Variants in MAMDC2 observed in about 807,000 individuals in gnomAD.
MAMDC2 encodes MAM domain-containing protein 2.
Under a neutral mutation model 89.8 loss-of-function variants are expected in MAMDC2, and 57 were observed. The ratio of observed to expected loss-of-function variants is 0.63; its 90% confidence interval spans 0.51 to 0.79. MAMDC2 has a LOEUF of 0.79. Among genes scored for constraint, MAMDC2 ranks in the 30% least tolerant of loss-of-function variants. The pLI is 0.00. For missense variants in MAMDC2, 800 were observed against 820.6 expected, an observed-to-expected ratio of 0.97 and a Z score of 0.31; for synonymous variants, 313 against 293.4, an observed-to-expected ratio of 1.07 and a Z score of -0.68.
chr9:70,189,767 A>AT (rs1230069556), intron 11 of MAMDC2, among the ~76,000 whole-genome samples: 2 of 150,964 alleles, frequency 1.3e-5, no homozygotes. Flanking sequence ...GTCTCTGTTC[A>AT]TTTTTTCTTT....
At chr9:70,103,700 G>A (rs3015201) in intron 2 of MAMDC2, among the ~76,000 whole-genome samples, 9,796 of 151,632 alleles carry the variant, frequency 0.065, 998 homozygotes, top group African/African-American at 0.21. Context: ...GTGAAAAGAC[G>A]GCCAGGAGTG....
intron 9 of MAMDC2, among the ~76,000 whole-genome samples, chr9:70,162,492 T>G (rs1272267453): frequency 6.7e-5 from 9 of 134,524 alleles, no homozygotes; most frequent in Admixed American, 6.6e-4. Context: ...GGTACTTTTG[T>G]TTTGTTTTGT....
In MAMDC2 at chr9:70,226,331, A is replaced by G. The variant is rs2033639580; in HGVS notation, c.*299A>G. The G allele has an allele frequency of 5.5e-6, 1 of 180,268 alleles. No individual in the cohort carries two copies. The highest frequency in any genetic ancestry group is 1.2e-5 in the Non-Finnish European group (1 of 86,668). The allele number at this position is 180,268 out of a possible 1,614,324, so 11.2% of individuals were successfully genotyped here. On this transcript the variant is annotated 3_prime_UTR_variant, in exon 14 of 14. Transcript: ENST00000377182. ...ATTGTAGTCATTTTAAAGTACACAA[A>G]GGGCACAATCAAAATGAGATGCACT...
At chr9:70,048,114 A>G (rs1826801484) in intron 2 of MAMDC2, among the ~76,000 whole-genome samples, 1 of 152,108 alleles carries the variant, frequency 6.6e-6, no homozygotes, top group Non-Finnish European at 1.5e-5. Flanking sequence ...CATTTTGCCC[A>G]TGGTTGTCCT....
intron 2 of MAMDC2, among the ~76,000 whole-genome samples, chr9:70,064,175 T>A (rs1260660966): frequency 2.0e-5 from 3 of 151,992 alleles, no homozygotes; most frequent in Non-Finnish European, 4.4e-5. Context: ...TTTTTTAAAA[T>A]TTTTTTTCCA....
chr9:70,082,456 A>T (rs1332950232), intron 2 of MAMDC2: 1 of 152,148 alleles, frequency 6.6e-6, no homozygotes, highest in Non-Finnish European at 1.5e-5. Flanking sequence ...TTGCCCATGG[A>T]AGTAAGTCTG....
chr9:70,155,899 G>A (rs1253286177), intron 9 of MAMDC2, among the ~76,000 whole-genome samples: 1 of 152,078 alleles, frequency 6.6e-6, no homozygotes, highest in Non-Finnish European at 1.5e-5. Context: ...TCTTTTATAA[G>A]TCATTGACTT....
At chr9:70,197,413 G>A (rs948492489) in intron 11 of MAMDC2, among the ~76,000 whole-genome samples, 1 of 152,078 alleles carries the variant, frequency 6.6e-6, no homozygotes, top group Non-Finnish European at 1.5e-5. Flanking sequence ...TGAAATGGAA[G>A]AACATATTGA....
At chr9:70,139,862 T>C (rs1430872498) in intron 7 of MAMDC2, among the ~76,000 whole-genome samples, 9 of 152,178 alleles carry the variant, frequency 5.9e-5, no homozygotes, top group Non-Finnish European at 1.0e-4. Context: ...TGCATTTCCA[T>C]GGGAGGAAAT....
At chr9:70,175,855 T>C (rs1216323635) in intron 11 of MAMDC2, 1 of 152,260 alleles carries the variant, frequency 6.6e-6, no homozygotes, top group East Asian at 1.9e-4. Flanking sequence ...TTGCTTCACA[T>C]GGCCTTTCCT....
intron 9 of MAMDC2, among the ~76,000 whole-genome samples, chr9:70,149,206 T>G (rs2031507152): frequency 4.0e-5 from 1 of 24,894 alleles, no homozygotes; most frequent in South Asian, 2.2e-3. Context: ...AGACCCCATC[T>G]CAAAAAAAAA....
intron 2 of MAMDC2, among the ~76,000 whole-genome samples, chr9:70,052,021 A>G (rs1409036755): frequency 5.3e-5 from 8 of 152,188 alleles, no homozygotes. Context: ...TTAAAGCTAT[A>G]TCCAGGTCTT....
intron 5 of MAMDC2, among the ~76,000 whole-genome samples, chr9:70,122,903 C>T (rs2030350568): frequency 1.3e-5 from 2 of 152,152 alleles, no homozygotes; most frequent in African/African-American, 2.4e-5. Context: ...TGAAGGGCCC[C>T]ATGGCAGACA....
At chr9:70,089,511 G>A (rs1563948343) in intron 2 of MAMDC2, among the ~76,000 whole-genome samples, 1 of 152,108 alleles carries the variant, frequency 6.6e-6, no homozygotes, top group South Asian at 2.1e-4. Context: ...CTGAGAGCTG[G>A]CAGGAAAATC....
chr9:70,105,900 C>T (rs1033974840), intron 2 of MAMDC2: 2 of 152,194 alleles, frequency 1.3e-5, no homozygotes, highest in Non-Finnish European at 2.9e-5. Flanking sequence ...TACCTTCCAG[C>T]AGAACCGTTG....
At chr9:70,048,139 C>T (rs182510401) in intron 2 of MAMDC2, among the ~76,000 whole-genome samples, 1 of 152,280 alleles carries the variant, frequency 6.6e-6, no homozygotes, top group African/African-American at 2.4e-5. Context: ...TCTTGATCTC[C>T]CTCTATTCTT....
intron 4 of MAMDC2, among the ~76,000 whole-genome samples, chr9:70,111,135 A>G (rs912976540): frequency 2.6e-5 from 4 of 152,152 alleles, no homozygotes; most frequent in Non-Finnish European, 5.9e-5. Flanking sequence ...ACAGCTTGTG[A>G]ACGACAGGGA....
chr9:70,211,669 G>A (rs985460854), intron 11 of MAMDC2, among the ~76,000 whole-genome samples: 5 of 152,146 alleles, frequency 3.3e-5, no homozygotes, highest in East Asian at 1.9e-4. Flanking sequence ...CGTTACTGAT[G>A]AGGAGCTACG....
At chr9:70,157,203 A>G (rs1165478998) in intron 9 of MAMDC2, among the ~76,000 whole-genome samples, 1 of 152,210 alleles carries the variant, frequency 6.6e-6, no homozygotes, top group Non-Finnish European at 1.5e-5. Context: ...CCGTACAGTC[A>G]TTGCATTTTA....
Sources: allele counts gnomAD v4.1 joint callset (sites outside exome capture counted in the v4.1 genomes callset), GRCh38; gene constraint gnomAD v4.1.1; transcripts MANE v1.5; gene names NCBI Gene and HGNC (gene_info 2026-07-23, HGNC 2026-07-21).